Variants in LEMD1 observed in about 807,000 individuals in gnomAD.
The protein encoded by LEMD1 is LEM domain-containing protein 1.
LEMD1 carries 18 observed loss-of-function variants against 17.4 expected under a neutral mutation model. The ratio of observed to expected loss-of-function variants is 1.04; its 90% CI spans 0.72 to 1.54. LEMD1 has a LOEUF of 1.54. LEMD1 is among the 40% of genes most tolerant of loss of function. The pLI is 0.00. For missense variants in LEMD1, 195 were observed against 210.4 expected (o/e 0.93, Z 0.45); for synonymous variants, 88 against 77.8 (o/e 1.13, Z -0.69).
intron 4 of LEMD1, among the ~76,000 whole-genome samples, chr1:205,391,636 G>A (rs12133217): frequency 0.065 from 9,845 of 152,206 alleles, 419 homozygotes; most frequent in East Asian, 0.11. Flanking sequence ...TCAATGGAGC[G>A]CACATGGGAG....
intron 4 of LEMD1, among the ~76,000 whole-genome samples, chr1:205,406,303 C>CTA: frequency 6.6e-6 from 1 of 152,342 alleles, no homozygotes; most frequent in African/African-American, 2.4e-5. Context: ...TGCCCTGCCC[C>CTA]CAGAGGTGGA....
chr1:205,449,173 G>A (rs1331193963), intron 1 of LEMD1, among the ~76,000 whole-genome samples: 2 of 152,316 alleles, frequency 1.3e-5, no homozygotes, highest in Middle Eastern at 3.4e-3. Flanking sequence ...AGGACATGGG[G>A]GTTAGCACAG....
At chr1:205,388,726 A>G (rs914316333) in intron 4 of LEMD1, among the ~76,000 whole-genome samples, 1 of 152,236 alleles carries the variant, frequency 6.6e-6, no homozygotes, top group Non-Finnish European at 1.5e-5. Flanking sequence ...AAAACTTTTC[A>G]TTAATTAATA....
intron 4 of LEMD1, among the ~76,000 whole-genome samples, chr1:205,413,907 A>C (rs552369369): frequency 6.6e-6 from 1 of 152,220 alleles, no homozygotes; most frequent in African/African-American, 2.4e-5. Context: ...ACCCATCTTA[A>C]TGCCATTTTA....
At chr1:205,411,164 G>C (rs914715402) in intron 4 of LEMD1, among the ~76,000 whole-genome samples, 1 of 132,460 alleles carries the variant, frequency 7.5e-6, no homozygotes, top group Admixed American at 8.3e-5. Flanking sequence ...AGAAGAAAGA[G>C]AGAGAGAAAG....
At chr1:205,413,755 T>C (rs1220185899) in intron 4 of LEMD1, among the ~76,000 whole-genome samples, 1 of 150,180 alleles carries the variant, frequency 6.7e-6, no homozygotes, top group African/African-American at 2.5e-5. Context: ...CGAGTTCAAG[T>C]GATTCTTGTG....
chr1:205,415,370 G>A (rs1483697006), intron 4 of LEMD1, among the ~76,000 whole-genome samples: 3 of 152,112 alleles, frequency 2.0e-5, no homozygotes, highest in Non-Finnish European at 4.4e-5. Context: ...CCGCAAAGAG[G>A]GGGTGAGGGA....
chr1:205,444,118 T>A (rs1192584874), intron 1 of LEMD1, among the ~76,000 whole-genome samples: 1 of 151,708 alleles, frequency 6.6e-6, no homozygotes, highest in African/African-American at 2.4e-5. Context: ...TCATGGGAAC[T>A]CCCCTCCCAT....
intron 4 of LEMD1, among the ~76,000 whole-genome samples, chr1:205,411,191 G>GGA (rs1665388542): frequency 8.6e-6 from 1 of 116,922 alleles, no homozygotes; most frequent in Non-Finnish European, 1.9e-5. Flanking sequence ...AGAAGGAAAG[G>GGA]AAGGAAGGAA....
intron 1 of LEMD1, among the ~76,000 whole-genome samples, chr1:205,421,684 T>C (rs907668198): frequency 2.0e-5 from 3 of 152,242 alleles, no homozygotes; most frequent in African/African-American, 7.2e-5. Context: ...TCCTTTTCTA[T>C]GTGTTTGGGA....
chr1:205,391,534 A>T (rs1574949091), intron 4 of LEMD1, among the ~76,000 whole-genome samples: 1 of 152,250 alleles, frequency 6.6e-6, no homozygotes, highest in Admixed American at 6.5e-5. Flanking sequence ...GCAGCCAAAC[A>T]GCCCATCTCC....
rs530115824 is a variant in LEMD1, at chr1:205,439,595, T to A, written c.-39+10273A>T. On this transcript the variant is annotated intron_variant, in intron 1 of 3. Coordinates refer to the LEMD1 transcript ENST00000367154. ...CCACATTCCAAGGAAAGGGGAGCCC[T>A]GACTCTCCTATCTTGGGGCCTTGCC... is the stretch of plus-strand genomic sequence containing the variant. Among the ~76,000 whole-genome samples, 153 of 152,344 alleles carry A rather than the reference T, an allele frequency of 1.0e-3. 1 individual carries two copies. Among genetic ancestry groups the A allele is most frequent in the African/African-American group, 3.6e-3 (149 of 41,594 alleles).
At chr1:205,394,194 AGGGGT>A (rs1035724774) in intron 4 of LEMD1, among the ~76,000 whole-genome samples, 3 of 1,896 alleles carry the variant, frequency 1.6e-3, no homozygotes, top group African/African-American at 6.9e-3. Context: ...TAGCTGCTGC[AGGGGT>A]GGGGTGGGGT....
chr1:205,396,716 A>C (rs889876981), intron 4 of LEMD1, among the ~76,000 whole-genome samples: 5 of 152,250 alleles, frequency 3.3e-5, no homozygotes, highest in Non-Finnish European at 7.3e-5. Context: ...ATTTAAATGA[A>C]ATACAAAATC....
In LEMD1 at chr1:205,382,973, CTGACTAATACAAT is replaced by C. The variant is rs1271083795; in HGVS notation, c.348-1130_348-1118del. 2.0e-5 allele frequency among the ~76,000 whole-genome samples: 3 copies of C among 152,220 alleles called. No individual in the cohort carries two copies. In the East Asian group the frequency reaches 5.8e-4, roughly 29 times the overall value. Reference sequence around the variant, plus strand: ...GAAACTCTCCAGAAAGCTTTACTTTCTGACTAATACAATTGCCTGTCTTGAGCTTTTATTTGAA... The same window carrying C: ...GAAACTCTCCAGAAAGCTTTACTTTCTGCCTGTCTTGAGCTTTTATTTGAA... On this transcript the variant is annotated intron_variant, in intron 5 of 5. Coordinates refer to ENST00000367153, the MANE Select transcript of LEMD1 (RefSeq NM_001199050.2).
intron 4 of LEMD1, among the ~76,000 whole-genome samples, chr1:205,393,226 G>C (rs1664422707): frequency 6.6e-6 from 1 of 152,118 alleles, no homozygotes; most frequent in Non-Finnish European, 1.5e-5. Context: ...AGAAGATATA[G>C]AAGTGGCCAA....
chr1:205,405,999 C>T (rs1239358098), intron 4 of LEMD1, among the ~76,000 whole-genome samples: 3 of 152,210 alleles, frequency 2.0e-5, no homozygotes, highest in Non-Finnish European at 2.9e-5. Context: ...GTATCAGCAG[C>T]GGTGTCTGCA....
At chr1:205,410,176 C>T (rs1254263356) in intron 4 of LEMD1, among the ~76,000 whole-genome samples, 2 of 152,150 alleles carry the variant, frequency 1.3e-5, no homozygotes, top group Non-Finnish European at 2.9e-5. Context: ...CCTGCCTCAG[C>T]CTCCCAAAGT....
At chr1:205,409,614 T>G (rs921357254) in intron 4 of LEMD1, among the ~76,000 whole-genome samples, 2 of 151,976 alleles carry the variant, frequency 1.3e-5, no homozygotes, top group African/African-American at 2.4e-5. Context: ...TCTTTTTTTT[T>G]TTTTAAGAGA....
Sources: gnomAD v4.1 joint callset for allele counts (sites outside exome capture counted in the v4.1 genomes callset) on GRCh38, gnomAD v4.1.1 for gene constraint, MANE v1.5 for transcripts, NCBI Gene and HGNC (gene_info 2026-07-23, HGNC 2026-07-21) for gene names.